Variants in TRIM2 observed in about 807,000 individuals in gnomAD.
TRIM2 encodes the protein tripartite motif-containing protein 2.
A neutral mutation model predicts 75.2 loss-of-function variants in TRIM2; 20 were observed. The observed-to-expected ratio is 0.27, with a 90% confidence interval of 0.19 to 0.39. The LOEUF (loss-of-function observed/expected upper bound fraction) is 0.39, where lower values mean the gene tolerates loss of function less well. Among genes scored for constraint, TRIM2 ranks in the 10% least tolerant of loss-of-function variants. The pLI is 1.00. For missense variants in TRIM2, 660 were observed against 990.8 expected, an observed-to-expected ratio of 0.67 and a Z score of 4.48; for synonymous variants, 373 against 388.3, an observed-to-expected ratio of 0.96 and a Z score of 0.46.
chr4:153,224,353 GC>G (rs1364384380), intron 1 of TRIM2, among the ~76,000 whole-genome samples: 1 of 152,152 alleles, frequency 6.6e-6, no homozygotes, highest in Non-Finnish European at 1.5e-5. Flanking sequence ...TTCCCTTAGG[GC>G]TGAGTTGGGC....
chr4:153,297,712 C>A (rs1031298459), intron 6 of TRIM2, among the ~76,000 whole-genome samples: 2 of 152,158 alleles, frequency 1.3e-5, no homozygotes, highest in Non-Finnish European at 2.9e-5. Flanking sequence ...GTGAAAGACT[C>A]AGAACTGGAA....
At chr4:153,224,395 A>T (rs960235492) in intron 1 of TRIM2, among the ~76,000 whole-genome samples, 1 of 152,228 alleles carries the variant, frequency 6.6e-6, no homozygotes, top group African/African-American at 2.4e-5. Context: ...AAAGTCTTCT[A>T]GGTGAGGTAA....
chr4:153,286,246 AT>A (rs1427944814), intron 3 of TRIM2, among the ~76,000 whole-genome samples: 1 of 152,132 alleles, frequency 6.6e-6, no homozygotes, highest in East Asian at 1.9e-4. Flanking sequence ...TTTATTAAGA[AT>A]TTTTTCATCC....
intron 2 of TRIM2, among the ~76,000 whole-genome samples, chr4:153,275,142 G>A (rs6834241): frequency 0.31 from 46,823 of 152,156 alleles, 10,224 homozygotes; most frequent in African/African-American, 0.63. Flanking sequence ...ACGCTGGCCT[G>A]TCTCTGTCTG....
At chr4:153,319,220 C>T (rs976258701) in intron 8 of TRIM2, among the ~76,000 whole-genome samples, 7 of 152,160 alleles carry the variant, frequency 4.6e-5, no homozygotes, top group African/African-American at 1.7e-4. Flanking sequence ...AATTTATTAG[C>T]CCTAATTTTT....
At chr4:153,214,143 C>T (rs1166282873) in intron 1 of TRIM2, among the ~76,000 whole-genome samples, 1 of 152,132 alleles carries the variant, frequency 6.6e-6, no homozygotes, top group African/African-American at 2.4e-5. Context: ...AAGATATAAA[C>T]ATTTAAAAGG....
intron 1 of TRIM2, among the ~76,000 whole-genome samples, chr4:153,196,556 G>A (rs1046060865): frequency 2.0e-5 from 3 of 152,196 alleles, no homozygotes; most frequent in Non-Finnish European, 1.5e-5. Context: ...ACATGGAAAT[G>A]CTTTAGAACA....
intron 6 of TRIM2, chr4:153,308,659 G>A (rs1474098396): frequency 8.5e-6 from 5 of 585,722 alleles, no homozygotes; most frequent in Non-Finnish European, 1.7e-5. Context: ...ATCCTGCTCA[G>A]CATCAAATTT....
At chr4:153,196,430 C>T (rs1388842222) in intron 1 of TRIM2, among the ~76,000 whole-genome samples, 1 of 152,146 alleles carries the variant, frequency 6.6e-6, no homozygotes, top group Non-Finnish European at 1.5e-5. Context: ...GGGCAAGACC[C>T]TGTCTCTTAA....
intron 11 of TRIM2, among the ~76,000 whole-genome samples, chr4:153,333,254 C>G (rs1397642813): frequency 1.3e-5 from 2 of 152,064 alleles, no homozygotes; most frequent in African/African-American, 2.4e-5. Context: ...ATTTGTGTAC[C>G]ATTCTCAAAA....
intron 1 of TRIM2, among the ~76,000 whole-genome samples, chr4:153,212,782 G>T (rs1284068208): frequency 6.6e-6 from 1 of 152,114 alleles, no homozygotes; most frequent in African/African-American, 2.4e-5. Flanking sequence ...TTTGTTTGGG[G>T]GCCTGTCTTC....
Position 153,328,539 on chromosome 4 carries a change from C to A in TRIM2, c.2032C>A (p.Gln678Lys). ...AAAATATTTCATACAGGTGTTTAAT[C>A]AGGAAGGAGAATTCATGTTGAAGTT... is the stretch of plus-strand genomic sequence containing the variant. ...FHNHSVKVFNQEGEFMLKFGS... is the reference protein window; with the variant it reads ...FHNHSVKVFNKEGEFMLKFGS... The change falls in exon 11 of 12, where the codon CAG becomes AAG. Residue 678 changes from glutamine (Q) to lysine (K), a missense_variant. Coordinates refer to ENST00000338700, the MANE Select transcript of TRIM2 (RefSeq NM_015271.5). 1 of 1,604,052 alleles carries A rather than the reference C, an allele frequency of 6.2e-7. No homozygotes were observed. Among genetic ancestry groups the A allele is most frequent in the Non-Finnish European group, 8.5e-7 (1 of 1,175,784 alleles).
intron 1 of TRIM2, among the ~76,000 whole-genome samples, chr4:153,199,132 G>T (rs1199845931): frequency 1.3e-5 from 2 of 152,184 alleles, no homozygotes; most frequent in Admixed American, 1.3e-4. Context: ...CCGGGGATAT[G>T]TGAAACAGCT....
chr4:153,312,567 G>T (rs1766602999), intron 6 of TRIM2, among the ~76,000 whole-genome samples: 1 of 152,102 alleles, frequency 6.6e-6, no homozygotes, highest in African/African-American at 2.4e-5. Flanking sequence ...ACAGGTGCTG[G>T]AGAGGATGTG....
At chr4:153,182,375 G>A (rs771324968) in intron 1 of TRIM2, among the ~76,000 whole-genome samples, 3 of 152,144 alleles carry the variant, frequency 2.0e-5, no homozygotes, top group Non-Finnish European at 4.4e-5. Context: ...AGTCCTGAGA[G>A]GTGTGTGGTG....
chr4:153,263,056 C>G (rs1753970626), intron 1 of TRIM2, among the ~76,000 whole-genome samples: 1 of 152,178 alleles, frequency 6.6e-6, no homozygotes, highest in African/African-American at 2.4e-5. Context: ...GGAGGCTGGG[C>G]ATGGTGGTTC....
At chr4:153,157,311 A>G (rs1417202158) in intron 1 of TRIM2, 1 of 152,124 alleles carries the variant, frequency 6.6e-6, no homozygotes, top group Non-Finnish European at 1.5e-5. Context: ...CCCCAAAGCC[A>G]TGGCCATGCT....
chr4:153,285,429 C>T (rs1257923357), intron 3 of TRIM2, among the ~76,000 whole-genome samples: 1 of 152,130 alleles, frequency 6.6e-6, no homozygotes, highest in African/African-American at 2.4e-5. Flanking sequence ...TTTCAGTATT[C>T]AAGTCTTGCA....
chr4:153,260,700 C>CCCCCA (rs1560902966), intron 1 of TRIM2, among the ~76,000 whole-genome samples: 8 of 67,902 alleles, frequency 1.2e-4, no homozygotes, highest in Non-Finnish European at 2.4e-4. Context: ...ACCCCCCCCC[C>CCCCCA]CACACACACA....
Sources: gnomAD v4.1 joint callset for allele counts (sites outside exome capture counted in the v4.1 genomes callset) on GRCh38, gnomAD v4.1.1 for gene constraint, MANE v1.5 for transcripts, NCBI Gene and HGNC (gene_info 2026-07-23, HGNC 2026-07-21) for gene names.